Variants in CAMK1D observed in about 807,000 individuals in gnomAD.
CAMK1D encodes calcium/calmodulin-dependent protein kinase type 1D.
In CAMK1D, 9 loss-of-function variants were observed where a neutral mutation model predicts 47.7. That is an observed-to-expected ratio of 0.19 (90% CI 0.11 to 0.33). The LOEUF is 0.33. CAMK1D is among the 10% of genes least tolerant of loss of function. The pLI is 1.00. For synonymous variants in CAMK1D, 184 were observed against 184.9 expected (o/e 0.99, Z 0.04); for missense variants, 291 against 488.7 (o/e 0.60, Z 3.81).
intron 3 of CAMK1D, among the ~76,000 whole-genome samples, chr10:12,720,752 A>T (rs1023909530): frequency 6.6e-6 from 1 of 152,212 alleles, no homozygotes; most frequent in Admixed American, 6.5e-5. Context: ...CGAAGAATCA[A>T]TAAGGATTCA....
At chr10:12,801,262 T>TCCGTCCGTCC (rs879334771) in intron 6 of CAMK1D, among the ~76,000 whole-genome samples, 151 of 146,380 alleles carry the variant, frequency 1.0e-3, no homozygotes, top group African/African-American at 3.4e-3. Context: ...TCCATCCATC[T>TCCGTCCGTCC]GTCCGTCCAT....
intron 2 of CAMK1D, among the ~76,000 whole-genome samples, chr10:12,663,042 A>G (rs968630024): frequency 6.6e-6 from 1 of 151,980 alleles, no homozygotes; most frequent in Non-Finnish European, 1.5e-5. Context: ...GCTCACTGCA[A>G]CCTCTGCCTC....
intron 3 of CAMK1D, among the ~76,000 whole-genome samples, chr10:12,669,843 T>C (rs1840554494): frequency 6.6e-6 from 1 of 152,234 alleles, no homozygotes. Context: ...TTCATCCATG[T>C]AGCATGTCTC....
At chr10:12,440,102 C>T (rs1832743545) in intron 1 of CAMK1D, among the ~76,000 whole-genome samples, 1 of 152,144 alleles carries the variant, frequency 6.6e-6, no homozygotes, top group South Asian at 2.1e-4. Flanking sequence ...GGGGACACAG[C>T]CAAACCATAT....
chr10:12,649,667 T>G (rs1365499720), intron 2 of CAMK1D, among the ~76,000 whole-genome samples: 1 of 152,032 alleles, frequency 6.6e-6, no homozygotes, highest in East Asian at 1.9e-4. Flanking sequence ...CCCTTTTCTT[T>G]AGAAACAAAA....
intron 1 of CAMK1D, among the ~76,000 whole-genome samples, chr10:12,407,332 A>C (rs1274435948): frequency 2.0e-5 from 3 of 152,216 alleles, no homozygotes; most frequent in African/African-American, 7.2e-5. Context: ...CTGCCAGGGG[A>C]AGGGAACTCC....
intron 1 of CAMK1D, among the ~76,000 whole-genome samples, chr10:12,442,340 A>T (rs1351703791): frequency 6.6e-6 from 1 of 152,138 alleles, no homozygotes; most frequent in Non-Finnish European, 1.5e-5. Flanking sequence ...AATTAGCCAG[A>T]TGTGGTGGCA....
At chr10:12,710,978 G>T (rs1006554402) in intron 3 of CAMK1D, among the ~76,000 whole-genome samples, 1 of 152,160 alleles carries the variant, frequency 6.6e-6, no homozygotes, top group South Asian at 2.1e-4. Flanking sequence ...TTAAGGTTTT[G>T]AATGTATTGC....
At chr10:12,705,484 G>T (rs1833695530) in intron 3 of CAMK1D, among the ~76,000 whole-genome samples, 1 of 151,996 alleles carries the variant, frequency 6.6e-6, no homozygotes, top group Admixed American at 6.6e-5. Context: ...GAAAAGAAAA[G>T]AATAGAATAA....
intron 3 of CAMK1D, among the ~76,000 whole-genome samples, chr10:12,714,386 T>G (rs999105501): frequency 6.6e-6 from 1 of 151,824 alleles, no homozygotes; most frequent in Non-Finnish European, 1.5e-5. Flanking sequence ...ATATTTTTAA[T>G]TATAATTTTA....
chr10:12,694,229 ATG>A (rs1469882478), intron 3 of CAMK1D, among the ~76,000 whole-genome samples: 1 of 63,176 alleles, frequency 1.6e-5, no homozygotes, highest in Non-Finnish European at 2.6e-5. Context: ...AATATATATT[ATG>A]TATAATATAT....
intron 1 of CAMK1D, among the ~76,000 whole-genome samples, chr10:12,537,314 C>T (rs893587246): frequency 2.6e-5 from 4 of 152,198 alleles, no homozygotes; most frequent in Non-Finnish European, 5.9e-5. Context: ...TCAAGTGATC[C>T]GCCTGCCTTG....
chr10:12,802,675 C>A (rs973415949), intron 6 of CAMK1D, among the ~76,000 whole-genome samples: 2 of 152,188 alleles, frequency 1.3e-5, no homozygotes, highest in African/African-American at 4.8e-5. Flanking sequence ...TGTGTGCCAC[C>A]ACGCCTGGCC....
intron 3 of CAMK1D, among the ~76,000 whole-genome samples, chr10:12,760,419 T>G (rs1277584062): frequency 6.6e-6 from 1 of 152,168 alleles, no homozygotes; most frequent in African/African-American, 2.4e-5. Context: ...AATGGGTGAC[T>G]AGATTCATCC....
chr10:12,587,281 T>G (rs1837846828), intron 2 of CAMK1D, among the ~76,000 whole-genome samples: 1 of 152,140 alleles, frequency 6.6e-6, no homozygotes, highest in African/African-American at 2.4e-5. Context: ...TAGAATATAC[T>G]CTGACTCCCA....
chr10:12,350,347 G>A (rs570239771), intron 1 of CAMK1D, among the ~76,000 whole-genome samples: 2 of 152,366 alleles, frequency 1.3e-5, no homozygotes, highest in Admixed American at 6.5e-5. Flanking sequence ...TCCCATTTCT[G>A]TCCTTACATC....
chr10:12,656,075 A>T (rs1301045271), intron 2 of CAMK1D, among the ~76,000 whole-genome samples: 1 of 152,180 alleles, frequency 6.6e-6, no homozygotes, highest in Non-Finnish European at 1.5e-5. Context: ...TGGCTGGTTG[A>T]TTTCTAGACA....
rs1412472637 is a variant in CAMK1D, at chr10:12,588,825, T to C, written c.224+35469T>C. ...ACACACACACATACACACATGCACA[T>C]ACATATATATGTGCTTGTATATATA... On this transcript the variant is annotated intron_variant, in intron 2 of 10. Transcript: ENST00000619168. Among the ~76,000 whole-genome samples, 4 of 151,398 alleles carry C rather than the reference T, an allele frequency of 2.6e-5. No individual in the cohort carries two copies. The South Asian group carries it at 8.4e-4, about 32-fold the overall frequency.
chr10:12,688,741 A>G (rs750430098), intron 3 of CAMK1D, among the ~76,000 whole-genome samples: 1 of 152,000 alleles, frequency 6.6e-6, no homozygotes. Context: ...CTGGAGTGCA[A>G]TGGCGCGATC....
Sources: gnomAD v4.1 joint callset for allele counts (sites outside exome capture counted in the v4.1 genomes callset) on GRCh38, gnomAD v4.1.1 for gene constraint, MANE v1.5 for transcripts, NCBI Gene and HGNC (gene_info 2026-07-23, HGNC 2026-07-21) for gene names.